KSR1: variants seen among roughly 807,000 people sequenced by gnomAD.
KSR1 encodes kinase suppressor of ras.
A neutral mutation model predicts 92.9 loss-of-function variants in KSR1; 35 were observed. That is an observed-to-expected ratio of 0.38 (90% CI 0.29 to 0.50). The LOEUF (loss-of-function observed/expected upper bound fraction) is 0.50, where lower values mean the gene tolerates loss of function less well. Ranked by LOEUF, KSR1 falls within the 20% of genes least tolerant of loss-of-function variation. KSR1 has a pLI of 0.94. For synonymous variants in KSR1, 467 were observed against 472.6 expected (o/e 0.99, Z 0.15); for missense variants, 972 against 1,158.5 (o/e 0.84, Z 2.34).
chr17:27,560,286 G>A (rs1231726563), intron 2 of KSR1: 4 of 390,412 alleles, frequency 1.0e-5, no homozygotes, highest in African/African-American at 2.1e-5. Context: ...TTTTTCTTTA[G>A]CAATTTCCCG....
Position 27,525,794 on chromosome 17 carries a change from G to A in KSR1, c.232-24774G>A, listed in dbSNP as rs566017749. On this transcript the variant is annotated intron_variant, in intron 1 of 20. Coordinates refer to ENST00000644974, the MANE Select transcript of KSR1 (RefSeq NM_001394583.1). Reference sequence around the variant, plus strand: ...ATCTGAAAGAGGATGAGGTAGTTGGGGCCAAGGACACCCCGGGTAGTCTAG... The same window carrying A: ...ATCTGAAAGAGGATGAGGTAGTTGGAGCCAAGGACACCCCGGGTAGTCTAG... 5.9e-5 allele frequency among the ~76,000 whole-genome samples: 9 copies of A among 152,264 alleles called. No individual in the cohort carries two copies. In the South Asian group the frequency reaches 1.5e-3, roughly 25 times the overall value.
At chr17:27,600,608 C>T (rs1266916776) in intron 10 of KSR1, among the ~76,000 whole-genome samples, 1 of 152,142 alleles carries the variant, frequency 6.6e-6, no homozygotes, top group Non-Finnish European at 1.5e-5. Context: ...TGGATTATTT[C>T]CCGCCAGCGT....
At chr17:27,470,384 C>T (rs900281056) in intron 1 of KSR1, among the ~76,000 whole-genome samples, 4 of 150,864 alleles carry the variant, frequency 2.7e-5, no homozygotes, top group African/African-American at 4.9e-5. Flanking sequence ...TGGGATTACA[C>T]GTGCCCGCCA....
At chr17:27,595,902 G>A (rs750722224) in intron 9 of KSR1, among the ~76,000 whole-genome samples, 2 of 152,098 alleles carry the variant, frequency 1.3e-5, no homozygotes, top group Non-Finnish European at 2.9e-5. Flanking sequence ...TCCCATGACC[G>A]TGGGCAAAGC....
Position 27,562,260 on chromosome 17 carries a change from A to C in KSR1, c.372+11552A>C, listed in dbSNP as rs374994826. Reference sequence around the variant, plus strand: ...ACCTGGCTATTTCATTCACAGCTCTATCCCCAGTGCCTGGCATGTGGTGGG... The same window carrying C: ...ACCTGGCTATTTCATTCACAGCTCTCTCCCCAGTGCCTGGCATGTGGTGGG... On this transcript the variant is annotated intron_variant, in intron 2 of 20. Coordinates refer to ENST00000644974, the MANE Select transcript of KSR1 (RefSeq NM_001394583.1). Among the ~76,000 whole-genome samples, 3 of 152,338 alleles carry C rather than the reference A, an allele frequency of 2.0e-5. No individual in the cohort carries two copies. In the South Asian group the frequency reaches 6.2e-4, roughly 32 times the overall value.
chr17:27,456,970 G>C (rs2019202535), intron 1 of KSR1, 96 bp downstream of exon 1: 1 of 698,416 alleles, frequency 1.4e-6, no homozygotes, highest in Non-Finnish European at 2.6e-6. Context: ...CCTTGAGCCC[G>C]CGTCGCCCCC....
rs759672841 is a variant in KSR1 at position 27,582,942 on chromosome 17, A to G, written c.817A>G (p.Thr273Ala). 6.5e-6 allele frequency: 4 copies of G among 612,692 alleles called. No individual in the cohort carries two copies. Among genetic ancestry groups the G allele is most frequent in the Non-Finnish European group, 9.4e-6 (4 of 427,256 alleles). 38.0% of individuals were successfully genotyped at this position (612,692 alleles called of 1,614,324 possible). Residue 273 changes from threonine to alanine, a missense_variant, in exon 4 of 21, where the codon ACC (threonine) becomes GCC (alanine). Physicochemically the swap from Thr to Ala is moderately conservative, Grantham distance 58. Around this residue, in one of 5 missense-constraint regions of KSR1, gnomAD observed 611 missense variants for 668.0 expected, o/e 0.91. Transcript: ENST00000644974. ...CCTGCACAGCTTCATCACCCCGCCCACCACACCCCAGCTGCGACGGCACAC... is the reference window on the plus strand; with the variant it reads ...CCTGCACAGCTTCATCACCCCGCCCGCCACACCCCAGCTGCGACGGCACAC... ...RALHSFITPP[T>A]TPQLRRHTKL...
At chr17:27,583,179 C>T in intron 4 of KSR1, 74 bp downstream of exon 4, 1 of 1,048,562 alleles carries the variant, frequency 9.5e-7, no homozygotes, top group Admixed American at 2.9e-5. Flanking sequence ...ATGGAAGGAC[C>T]AATAAAATCA....
intron 1 of KSR1, among the ~76,000 whole-genome samples, chr17:27,547,515 C>T (rs975927642): frequency 6.6e-6 from 1 of 152,198 alleles, no homozygotes; most frequent in Admixed American, 6.5e-5. Context: ...AAGCAGTTTC[C>T]ACTTGTCACA....
rs368010357 is a variant in KSR1, at chr17:27,601,104, G to A, written c.1469-256G>A. Among the ~76,000 whole-genome samples, 30 of 152,332 alleles carry A rather than the reference G, an allele frequency of 2.0e-4. No individual in the cohort carries two copies. In the South Asian group the frequency reaches 5.4e-3, roughly 27 times the overall value. Reference sequence around the variant, plus strand: ...TGCATTTCACAGAGTGCTGGTGACCGGAGACGGGGTCTTGGAATGCCCAAT... The same window carrying A: ...TGCATTTCACAGAGTGCTGGTGACCAGAGACGGGGTCTTGGAATGCCCAAT... On this transcript the variant is annotated intron_variant, in intron 10 of 20. Transcript: ENST00000644974.
At chr17:27,617,635 C>G in intron 19 of KSR1, 1 of 545,350 alleles carries the variant, frequency 1.8e-6, no homozygotes, top group Non-Finnish European at 3.2e-6. Flanking sequence ...TCAAGCAATT[C>G]TCCTGCCTCA....
At chr17:27,571,464 C>T (rs2072304311) in intron 2 of KSR1, among the ~76,000 whole-genome samples, 1 of 150,980 alleles carries the variant, frequency 6.6e-6, no homozygotes, top group Non-Finnish European at 1.5e-5. Flanking sequence ...CCACTTGCTC[C>T]TCTCTCTCTC....
intron 5 of KSR1, among the ~76,000 whole-genome samples, chr17:27,586,723 G>A (rs985074195): frequency 2.6e-5 from 4 of 152,222 alleles, no homozygotes; most frequent in Non-Finnish European, 4.4e-5. Context: ...ATCAGATGGA[G>A]GCGGTGCTTG....
intron 1 of KSR1, among the ~76,000 whole-genome samples, chr17:27,529,524 C>T (rs1456909542): frequency 6.6e-6 from 1 of 152,218 alleles, no homozygotes; most frequent in Non-Finnish European, 1.5e-5. Flanking sequence ...CGATGCCGCT[C>T]CACGCTCCTG....
intron 1 of KSR1, among the ~76,000 whole-genome samples, chr17:27,463,953 A>G (rs2019562797): frequency 6.6e-6 from 1 of 152,178 alleles, no homozygotes; most frequent in Admixed American, 6.5e-5. Context: ...CAGGTGAGGA[A>G]ACTGAAGGCC....
chr17:27,538,419 A>G (rs1275354084), intron 1 of KSR1, among the ~76,000 whole-genome samples: 1 of 152,178 alleles, frequency 6.6e-6, no homozygotes, highest in African/African-American at 2.4e-5. Context: ...CAGCCCCAAG[A>G]TCTGTCCCAT....
chr17:27,467,394 T>G (rs1029399187), intron 1 of KSR1, among the ~76,000 whole-genome samples: 3 of 152,250 alleles, frequency 2.0e-5, no homozygotes, highest in Non-Finnish European at 2.9e-5. Flanking sequence ...GAAGGTTTAC[T>G]GAAAAATTAA....
At chr17:27,605,312 A>G in intron 13 of KSR1, 122 bp from the exon 14 acceptor site, 1 of 1,323,582 alleles carries the variant, frequency 7.6e-7, no homozygotes. Flanking sequence ...TGCAACTACA[A>G]CCTGGGTCCC....
At chr17:27,508,705 TTTTTTTTATTTA>T (rs976926406) in intron 1 of KSR1, among the ~76,000 whole-genome samples, 10 of 130,586 alleles carry the variant, frequency 7.7e-5, no homozygotes, top group South Asian at 2.7e-4. Context: ...TGGGCCTGAA[TTTTTTTTATTTA>T]TTTATTTATT....
Sources: gnomAD v4.1 joint callset for allele counts (sites outside exome capture counted in the v4.1 genomes callset) on GRCh38, gnomAD v4.1.1 for gene constraint, gnomAD v4.1.1 regional missense constraint, MANE v1.5 for transcripts, NCBI Gene and HGNC (gene_info 2026-07-23, HGNC 2026-07-21) for gene names.